The following MRAP2 variants were observed in gnomAD, a reference collection of about 807,000 sequenced individuals.
MRAP2 encodes the protein melanocortin-2 receptor accessory protein 2.
A neutral mutation model predicts 17.4 loss-of-function variants in MRAP2; 20 were observed. The observed-to-expected ratio is 1.15, with a 90% confidence interval of 0.81 to 1.67. The LOEUF is 1.67. Among genes scored for constraint, MRAP2 ranks in the 40% most tolerant of loss-of-function variants. The pLI is 0.00. For synonymous variants in MRAP2, 96 were observed against 88.4 expected (o/e 1.09, Z -0.48); for missense variants, 238 against 240.0 (o/e 0.99, Z 0.05).
At chr6:84,122,313 C>G in the MRAP2 span, among the ~76,000 whole-genome samples, 1 of 137,138 alleles carries the variant, frequency 7.3e-6, no homozygotes, top group Non-Finnish European at 1.5e-5. Context: ...TGTGAAAATC[C>G]TCAGCAAAAT....
chr6:84,092,747 C>T (rs1005780317), downstream of MRAP2, among the ~76,000 whole-genome samples: 3 of 152,040 alleles, frequency 2.0e-5, no homozygotes, highest in Admixed American at 6.6e-5. Context: ...ATTAGCTCTC[C>T]GTATAGGTGG....
At chr6:84,095,515 T>A (rs1289472024), downstream of MRAP2, among the ~76,000 whole-genome samples, 3 of 152,226 alleles carry the variant, frequency 2.0e-5, no homozygotes, top group East Asian at 5.8e-4. Context: ...GGTGACTTTT[T>A]AAATGCCTGA....
intron 2 of MRAP2, among the ~76,000 whole-genome samples, chr6:84,055,753 A>G (rs981377535): frequency 2.6e-5 from 4 of 152,212 alleles, no homozygotes; most frequent in Non-Finnish European, 5.9e-5. Context: ...CCAAACTGTG[A>G]ATGTTTGAAC....
chr6:84,133,870 TC>T, the MRAP2 span, among the ~76,000 whole-genome samples: 1 of 152,136 alleles, frequency 6.6e-6, no homozygotes, highest in Non-Finnish European at 1.5e-5. Context: ...GTACCCACTG[TC>T]CAACAAGCCC....
intron 3 of MRAP2, among the ~76,000 whole-genome samples, chr6:84,065,930 C>G (rs1200811664): frequency 6.6e-6 from 1 of 152,072 alleles, no homozygotes; most frequent in Non-Finnish European, 1.5e-5. Context: ...TGCCAGCCTA[C>G]TCTACATATT....
At chr6:84,064,582 G>A (rs1363206752) in intron 3 of MRAP2, among the ~76,000 whole-genome samples, 1 of 152,038 alleles carries the variant, frequency 6.6e-6, no homozygotes, top group Non-Finnish European at 1.5e-5. Context: ...CCGCCTCCCG[G>A]GTTCACGCCA....
At chr6:84,045,097 A>G (rs1202164259) in intron 1 of MRAP2, 2 of 343,254 alleles carry the variant, frequency 5.8e-6, no homozygotes, top group Admixed American at 6.5e-5. Flanking sequence ...CATAGGTTCT[A>G]TGCAAATACT....
At chr6:84,033,620 C>A, upstream of MRAP2, 1 of 929,616 alleles carries the variant, frequency 1.1e-6, no homozygotes, top group South Asian at 4.9e-5. Context: ...CTGCAAAGCT[C>A]ACCTCCTCTT....
In MRAP2 at chr6:84,036,798, G is replaced by A. The variant is rs367923732; in HGVS notation, c.-8+2915G>A. Among the ~76,000 whole-genome samples the A allele has an allele frequency of 7.2e-5, 11 of 152,306 alleles. No individual in the cohort carries two copies. The South Asian group carries it at 8.3e-4, about 11-fold the overall frequency. ...TGTTTCACAGAGAGCTGATTGGTCC[G>A]TTTTGACAGGGTGCTGATTAGTGCA... On this transcript the variant is annotated intron_variant, in intron 1 of 3. Coordinates refer to ENST00000257776, the MANE Select transcript of MRAP2 (RefSeq NM_138409.4).
intron 2 of MRAP2, among the ~76,000 whole-genome samples, chr6:84,057,391 G>T (rs1341999754): frequency 6.6e-6 from 1 of 152,200 alleles, no homozygotes; most frequent in Non-Finnish European, 1.5e-5. Context: ...TGCCTTACCT[G>T]TAATGGATCA....
chr6:84,042,518 GA>G (rs2099487857), intron 1 of MRAP2, among the ~76,000 whole-genome samples: 1 of 152,180 alleles, frequency 6.6e-6, no homozygotes, highest in Admixed American at 6.5e-5. Flanking sequence ...TTGTATTATT[GA>G]TGCTCCAGGA....
downstream of MRAP2, among the ~76,000 whole-genome samples, chr6:84,091,281 C>G (rs2099501740): frequency 7.9e-6 from 1 of 127,172 alleles, no homozygotes; most frequent in African/African-American, 3.1e-5. Context: ...GAGTCTTGCT[C>G]TGTCGCCCAG....
the MRAP2 span, among the ~76,000 whole-genome samples, chr6:84,128,658 T>A: frequency 1.3e-5 from 2 of 152,136 alleles, no homozygotes; most frequent in South Asian, 4.1e-4. Context: ...AAATAAGGTA[T>A]ATAAAACACT....
At chr6:84,072,831 T>A (rs914789725) in intron 3 of MRAP2, among the ~76,000 whole-genome samples, 2 of 151,858 alleles carry the variant, frequency 1.3e-5, no homozygotes, top group African/African-American at 2.4e-5. Flanking sequence ...CTCTGCTGAG[T>A]CATGCAGGTT....
the MRAP2 span, among the ~76,000 whole-genome samples, chr6:84,145,347 A>C: frequency 6.6e-6 from 1 of 152,142 alleles, no homozygotes; most frequent in Non-Finnish European, 1.5e-5. Context: ...AAGTTCCAGC[A>C]AAACAGACTT....
the MRAP2 span, among the ~76,000 whole-genome samples, chr6:84,131,481 AG>A: frequency 1.3e-5 from 2 of 152,128 alleles, no homozygotes; most frequent in African/African-American, 4.8e-5. Context: ...GTGGGAGTCT[AG>A]GTCTCTTTGT....
At chr6:84,045,489 A>G (rs992509351) in intron 1 of MRAP2, among the ~76,000 whole-genome samples, 1 of 152,132 alleles carries the variant, frequency 6.6e-6, no homozygotes, top group African/African-American at 2.4e-5. Flanking sequence ...CAGGCTGGGC[A>G]CAGTGGCTTA....
chr6:84,129,013 A>G, the MRAP2 span, among the ~76,000 whole-genome samples: 1 of 152,194 alleles, frequency 6.6e-6, no homozygotes. Context: ...CCTGCAAAGG[A>G]CATGACCTCA....
At chr6:84,133,413 C>T in the MRAP2 span, among the ~76,000 whole-genome samples, 2 of 152,342 alleles carry the variant, frequency 1.3e-5, no homozygotes, top group Admixed American at 6.5e-5. Flanking sequence ...TTTAAGTCTG[C>T]AGAAGTTTCT....
Sources: gnomAD v4.1 joint callset for allele counts (sites outside exome capture counted in the v4.1 genomes callset) on GRCh38, gnomAD v4.1.1 for gene constraint, MANE v1.5 for transcripts, NCBI Gene and HGNC (gene_info 2026-07-23, HGNC 2026-07-21) for gene names.